BEND7: variants seen among roughly 807,000 people sequenced by gnomAD.
The protein encoded by BEND7 is BEN domain containing 7, also known as BEN domain-containing protein 7.
In BEND7, 28 loss-of-function variants were observed where a neutral mutation model predicts 50.9. The ratio of observed to expected loss-of-function variants is 0.55; its 90% CI spans 0.41 to 0.75. The LOEUF (loss-of-function observed/expected upper bound fraction) is 0.75. BEND7 is among the 30% of genes least tolerant of loss of function. The pLI is 0.00. For synonymous variants in BEND7, 170 were observed against 183.9 expected, an observed-to-expected ratio of 0.92 and a Z score of 0.61; for missense variants, 477 against 491.3, an observed-to-expected ratio of 0.97 and a Z score of 0.28.
chr10:13,444,854 A>C (rs1003762417), intron 8 of BEND7: 1 of 152,222 alleles, frequency 6.6e-6, no homozygotes, highest in Admixed American at 6.5e-5. Flanking sequence ...TCGCTCTGTC[A>C]CCCAAGCTGG....
intron 1 of BEND7, chr10:13,527,957 C>T: frequency 1.1e-5 from 5 of 451,896 alleles, no homozygotes; most frequent in Non-Finnish European, 1.5e-5. Flanking sequence ...CTTTCCAACC[C>T]AAATCAGCTA....
chr10:13,508,002 T>C (rs891862100), intron 2 of BEND7, among the ~76,000 whole-genome samples: 1 of 152,196 alleles, frequency 6.6e-6, no homozygotes, highest in African/African-American at 2.4e-5. Context: ...ATGCTGTGGA[T>C]AGACTGATGG....
chr10:13,457,029 G>GA (rs1839126253), intron 6 of BEND7, among the ~76,000 whole-genome samples: 2 of 152,108 alleles, frequency 1.3e-5, no homozygotes, highest in Admixed American at 1.3e-4. Flanking sequence ...TTCGTTTATA[G>GA]AAAAATGTGT....
intron 4 of BEND7, among the ~76,000 whole-genome samples, chr10:13,493,663 G>A (rs938066853): frequency 1.1e-4 from 16 of 152,144 alleles, no homozygotes; most frequent in African/African-American, 3.9e-4. Flanking sequence ...TATTCAACCT[G>A]ATTCTATACT....
At chr10:13,476,945 TA>T (rs759885405) in intron 6 of BEND7, among the ~76,000 whole-genome samples, 1 of 152,232 alleles carries the variant, frequency 6.6e-6, no homozygotes, top group Non-Finnish European at 1.5e-5. Context: ...AAATTATCAT[TA>T]AGTGTTAGTC....
chr10:13,502,287 T>C (rs1337278366), intron 2 of BEND7, among the ~76,000 whole-genome samples: 1 of 152,218 alleles, frequency 6.6e-6, no homozygotes, highest in Non-Finnish European at 1.5e-5. Flanking sequence ...CTAAAAACAT[T>C]ACAGAATATA....
chr10:13,458,850 C>T (rs1194714847), intron 6 of BEND7, among the ~76,000 whole-genome samples: 1 of 152,124 alleles, frequency 6.6e-6, no homozygotes, highest in Non-Finnish European at 1.5e-5. Context: ...CAACCAGGGT[C>T]CCTCCCACTC....
rs140161820 is a variant in BEND7, at chr10:13,502,230, A to C, written c.146-2150T>G. Among the ~76,000 whole-genome samples the C allele has an allele frequency of 4.6e-4, 70 of 152,310 alleles. 1 individual carries two copies. Among genetic ancestry groups the C allele is most frequent in the African/African-American group, 1.6e-3 (68 of 41,572 alleles). ...AAATAAGGAAGTTTATTTTGAATTT[A>C]CTGTTCACTATTTTGAAGTAAATAT... is the stretch of plus-strand genomic sequence containing the variant. On this transcript the variant is annotated intron_variant, in intron 2 of 8. Coordinates refer to ENST00000466271, the MANE Select transcript of BEND7 (RefSeq NM_001369863.1).
intron 5 of BEND7, among the ~76,000 whole-genome samples, chr10:13,491,187 C>T (rs1321642234): frequency 6.6e-6 from 1 of 151,806 alleles, no homozygotes; most frequent in Admixed American, 6.6e-5. Context: ...GTGGCAAGTA[C>T]CTGCAGTCCC....
downstream of BEND7, chr10:13,439,383 C>A: frequency 6.2e-7 from 1 of 1,614,176 alleles, no homozygotes; most frequent in Non-Finnish European, 8.5e-7. Context: ...CTGCTCCTCC[C>A]AGGGTTCTGC....
intron 4 of BEND7, among the ~76,000 whole-genome samples, chr10:13,496,456 C>T (rs139082992): frequency 6.6e-6 from 1 of 152,288 alleles, no homozygotes; most frequent in African/African-American, 2.4e-5. Context: ...CCTAAAGGAC[C>T]CCTCCATACA....
At chr10:13,527,068 A>G (rs902390646) in intron 1 of BEND7, among the ~76,000 whole-genome samples, 2 of 152,186 alleles carry the variant, frequency 1.3e-5, no homozygotes, top group African/African-American at 4.8e-5. Context: ...AAAGTCAACA[A>G]AACTACTCTC....
chr10:13,527,543 G>C (rs1230781868), intron 1 of BEND7, among the ~76,000 whole-genome samples: 13 of 152,204 alleles, frequency 8.5e-5, no homozygotes. Context: ...CAGAGGAAAA[G>C]TGGACAGGTT....
intron 6 of BEND7, among the ~76,000 whole-genome samples, chr10:13,454,046 G>GAGC (rs1334036263): frequency 6.6e-6 from 1 of 152,242 alleles, no homozygotes. Flanking sequence ...GGAGCCCAGA[G>GAGC]AGCAGCAGGG....
At chr10:13,513,746 CG>C (rs1377437267) in intron 2 of BEND7, among the ~76,000 whole-genome samples, 5 of 152,178 alleles carry the variant, frequency 3.3e-5, no homozygotes, top group African/African-American at 1.2e-4. Context: ...AATTACACTG[CG>C]GACCTCCATG....
intron 8 of BEND7, chr10:13,444,081 C>T (rs888322640): frequency 2.0e-5 from 3 of 151,304 alleles, no homozygotes; most frequent in Non-Finnish European, 2.9e-5. Context: ...TTTTTTAATG[C>T]AAATTGTCCC....
At chr10:13,454,072 A>G (rs1838381125) in intron 6 of BEND7, among the ~76,000 whole-genome samples, 1 of 152,220 alleles carries the variant, frequency 6.6e-6, no homozygotes, top group South Asian at 2.1e-4. Flanking sequence ...CCCTTCAGGA[A>G]GCTACTGCGA....
At chr10:13,440,995 A>G (rs1236697378), downstream of BEND7, 1 of 640,822 alleles carries the variant, frequency 1.6e-6, no homozygotes, top group African/African-American at 2.0e-5. Flanking sequence ...GGAGATCATC[A>G]GAGTATTAAT....
intron 1 of BEND7, among the ~76,000 whole-genome samples, chr10:13,526,531 G>A (rs2079468514): frequency 6.6e-6 from 1 of 152,110 alleles, no homozygotes; most frequent in Admixed American, 6.5e-5. Flanking sequence ...TGGCAAGTAT[G>A]TTTGCCCAAT....
Sources: allele counts gnomAD v4.1 joint callset (sites outside exome capture counted in the v4.1 genomes callset), GRCh38; gene constraint gnomAD v4.1.1; transcripts MANE v1.5; gene names NCBI Gene and HGNC (gene_info 2026-07-23, HGNC 2026-07-21).